ASXL3: variants seen among roughly 807,000 people sequenced by gnomAD.
ASXL3 encodes putative Polycomb group protein ASXL3.
A neutral mutation model predicts 170.6 loss-of-function variants in ASXL3; 34 were observed. The observed-to-expected ratio is 0.20, with a 90% CI of 0.15 to 0.27. The LOEUF (loss-of-function observed/expected upper bound fraction) is 0.27. Among genes scored for constraint, ASXL3 ranks in the 10% least tolerant of loss-of-function variants. The pLI is 1.00. For synonymous variants in ASXL3, 1,002 were observed against 989.1 expected, an observed-to-expected ratio of 1.01 and a Z score of -0.24; for missense variants, 2,592 against 2,695.3, an observed-to-expected ratio of 0.96 and a Z score of 0.85.
intron 4 of ASXL3, among the ~76,000 whole-genome samples, chr18:33,654,725 C>T (rs1434294791): frequency 6.6e-6 from 1 of 151,806 alleles, no homozygotes; most frequent in Non-Finnish European, 1.5e-5. Flanking sequence ...ATTTTTCCCA[C>T]ACAAACAGCA....
intron 1 of ASXL3, among the ~76,000 whole-genome samples, chr18:33,593,844 ATAT>A (rs1465240412): frequency 6.6e-6 from 1 of 152,176 alleles, no homozygotes; most frequent in East Asian, 1.9e-4. Context: ...AGCCACTGAA[ATAT>A]TATTATAGGT....
At position 33,747,178 on chromosome 18, in the gene ASXL3, T is replaced by G. The variant is rs1393094873; in HGVS notation, c.*583T>G. On this transcript the variant is annotated 3_prime_UTR_variant, in exon 12 of 12. Coordinates refer to ENST00000269197, the MANE Select transcript of ASXL3 (RefSeq NM_030632.3). ...TAATGAAATCCACTGTCCTGAGTAT[T>G]ATCTTTCCTCCTGTTGTACTTTCTC... The G allele has an allele frequency of 6.6e-6, 1 of 152,238 alleles. No individual in the cohort carries two copies. Among genetic ancestry groups the G allele is most frequent in the East Asian group, 1.9e-4 (1 of 5,184 alleles). 9.4% of individuals were successfully genotyped at this position (152,238 alleles called of 1,614,324 possible). A position where few individuals can be genotyped will look rare whatever the true frequency, so the allele number is the denominator to read the frequency against.
chr18:33,673,353 C>T (rs1356026815), intron 7 of ASXL3, among the ~76,000 whole-genome samples: 1 of 150,528 alleles, frequency 6.6e-6, no homozygotes, highest in Non-Finnish European at 1.5e-5. Context: ...AGTATCCTCT[C>T]AGGGGCTGAG....
At chr18:33,579,766 C>T (rs990322122) in intron 1 of ASXL3, among the ~76,000 whole-genome samples, 2 of 151,758 alleles carry the variant, frequency 1.3e-5, no homozygotes, top group Non-Finnish European at 2.9e-5. Context: ...TATTCGCCAG[C>T]TTACTATCTG....
In ASXL3 at chr18:33,739,330, A is replaced by G. The variant is rs1240159958; in HGVS notation, c.1926A>G (p.Pro642=). 1 of 1,613,582 alleles carries G rather than the reference A, an allele frequency of 6.2e-7. No homozygotes were observed. The highest frequency in any genetic ancestry group is 8.5e-7 in the Non-Finnish European group (1 of 1,179,660). ...CCACATCAGAAGAATCATGTACTCC[A>G]GCCTCCCTTGAGACAACATTTTGTT... is the stretch of plus-strand genomic sequence containing the variant. The part of the protein sequence containing the change: ...TQSTSEESCT[P]ASLETTFCSE... The change falls in exon 11 of 12, where the codon CCA becomes CCG. Residue 642 remains proline (P), a synonymous_variant. Coordinates refer to ENST00000269197, the MANE Select transcript of ASXL3 (RefSeq NM_030632.3).
rs762305872 is a variant in ASXL3, at chr18:33,661,596, T to G, written c.356-20T>G. 1 of 1,595,242 alleles carries G rather than the reference T, an allele frequency of 6.3e-7. No individual in the cohort carries two copies. Among genetic ancestry groups the G allele is most frequent in the East Asian group, 2.3e-5 (1 of 44,356 alleles). On this transcript the variant is annotated intron_variant, in intron 4 of 11. Coordinates refer to ENST00000269197, the MANE Select transcript of ASXL3 (RefSeq NM_030632.3). Reference sequence around the variant, plus strand: ...AAAGGAATTCAAATTAGTAATATCATTATCTCTCTCTGTTTCTAGTTTGTT... The same window carrying G: ...AAAGGAATTCAAATTAGTAATATCAGTATCTCTCTCTGTTTCTAGTTTGTT...
At chr18:33,589,454 C>T (rs16964784) in intron 1 of ASXL3, among the ~76,000 whole-genome samples, 3,646 of 152,136 alleles carry the variant, frequency 0.024, 93 homozygotes, top group African/African-American at 0.067. Flanking sequence ...TCATGGTACC[C>T]GCTTTGAGTC....
intron 11 of ASXL3, among the ~76,000 whole-genome samples, chr18:33,741,757 T>C (rs549093032): frequency 2.0e-5 from 3 of 152,274 alleles, no homozygotes; most frequent in Admixed American, 2.0e-4. Context: ...CACCACCAAA[T>C]GGGAAGTCCA....
chr18:33,671,876 T>C lies in ASXL3; in HGVS notation c.715+10T>C. The C allele has an allele frequency of 6.4e-7, 1 of 1,570,314 alleles. No individual in the cohort carries two copies. On this transcript the variant is annotated intron_variant, in intron 7 of 11. Transcript: ENST00000269197. Reference sequence around the variant, plus strand: ...AAAAAGTCTGGTTTAGGTGAGTGTTTAATAGACTATGCCATTTCACATTTT... The same window carrying C: ...AAAAAGTCTGGTTTAGGTGAGTGTTCAATAGACTATGCCATTTCACATTTT...
chr18:33,624,440 G>T (rs1226446177), intron 2 of ASXL3, among the ~76,000 whole-genome samples: 1 of 151,644 alleles, frequency 6.6e-6, no homozygotes, highest in East Asian at 2.0e-4. Flanking sequence ...AGGTTTTTTT[G>T]TTGTTGTTGT....
intron 1 of ASXL3, among the ~76,000 whole-genome samples, chr18:33,592,970 A>G (rs1002548649): frequency 6.6e-6 from 1 of 152,146 alleles, no homozygotes; most frequent in Non-Finnish European, 1.5e-5. Flanking sequence ...TTTGCCTTAC[A>G]AAATAACTGC....
chr18:33,595,578 A>G (rs1024836807), intron 1 of ASXL3, among the ~76,000 whole-genome samples: 2 of 152,208 alleles, frequency 1.3e-5, no homozygotes, highest in Non-Finnish European at 2.9e-5. Context: ...CCATTGCAGC[A>G]AAATGGGAGG....
chr18:33,626,015 G>C (rs954122128), intron 2 of ASXL3: 1 of 151,974 alleles, frequency 6.6e-6, no homozygotes, highest in Non-Finnish European at 1.5e-5. Context: ...AGGACTAAAA[G>C]TTCCAGTTGT....
intron 8 of ASXL3, among the ~76,000 whole-genome samples, chr18:33,715,955 G>A (rs1428464342): frequency 6.6e-6 from 1 of 152,096 alleles, no homozygotes; most frequent in Non-Finnish European, 1.5e-5. Context: ...AAGTCACATC[G>A]ACCTCATTTT....
chr18:33,644,833 C>G (rs1033903266), intron 2 of ASXL3, 61 bp from the exon 3 acceptor site: 1 of 1,025,342 alleles, frequency 9.8e-7, no homozygotes, highest in African/African-American at 1.6e-5. Context: ...ACTCAGAGAA[C>G]AGTTTTGCAA....
At chr18:33,687,387 G>C (rs190430248) in intron 8 of ASXL3, among the ~76,000 whole-genome samples, 20 of 152,270 alleles carry the variant, frequency 1.3e-4, no homozygotes, top group Admixed American at 1.3e-3. Context: ...TGATTACATA[G>C]ATTTATTTGA....
At chr18:33,708,367 A>C (rs779563557) in intron 8 of ASXL3, among the ~76,000 whole-genome samples, 19 of 152,214 alleles carry the variant, frequency 1.2e-4, no homozygotes, top group Non-Finnish European at 2.2e-4. Flanking sequence ...GATGTAAAAT[A>C]GCATGCATAT....
intron 8 of ASXL3, among the ~76,000 whole-genome samples, chr18:33,718,729 A>C (rs1390937911): frequency 6.6e-6 from 1 of 151,654 alleles, no homozygotes; most frequent in Non-Finnish European, 1.5e-5. Flanking sequence ...CAAGGCCAGC[A>C]GGAGAATATT....
chr18:33,743,697 A>G lies in ASXL3; in HGVS notation c.3849A>G (p.Lys1283=). ...CTGCTTGTAATATAAGCATGTTAAAAACCATCCAGGGAACTGACACTCCAT... is the reference window on the plus strand; with the variant it reads ...CTGCTTGTAATATAAGCATGTTAAAGACCATCCAGGGAACTGACACTCCAT... ...TISACNISML[K]TIQGTDTPCI... The change falls in exon 12 of 12, where the codon AAA becomes AAG. Residue 1283 remains lysine, a synonymous_variant. Coordinates refer to ENST00000269197, the MANE Select transcript of ASXL3 (RefSeq NM_030632.3). 1.2e-6 allele frequency: 2 copies of G among 1,613,862 alleles called. No homozygotes were observed. Among genetic ancestry groups the G allele is most frequent in the East Asian group, 4.5e-5 (2 of 44,862 alleles).
Sources: allele counts gnomAD v4.1 joint callset (sites outside exome capture counted in the v4.1 genomes callset), GRCh38; gene constraint gnomAD v4.1.1; transcripts MANE v1.5; gene names NCBI Gene and HGNC (gene_info 2026-07-23, HGNC 2026-07-21).